CATSPERB: variants seen among roughly 807,000 people sequenced by gnomAD.
CATSPERB encodes the protein catsper channel auxiliary subunit beta.
In CATSPERB, 93 loss-of-function variants were observed where a neutral mutation model predicts 128.3. That is an observed-to-expected ratio of 0.72 (90% CI 0.61 to 0.86). The LOEUF (loss-of-function observed/expected upper bound fraction) is 0.86. Among genes scored for constraint, CATSPERB ranks in the 40% least tolerant of loss-of-function variants. The probability of loss-of-function intolerance (pLI) is 0.00; values close to 1 mark genes in which losing one functional copy is unlikely to be tolerated. For missense variants in CATSPERB, 1,153 were observed against 1,329.5 expected (o/e 0.87, Z 2.06); for synonymous variants, 381 against 448.8 (o/e 0.85, Z 1.91).
rs750973204 is a variant in CATSPERB at position 91,721,549 on chromosome 14, T to A, written c.309+1500A>T. Among the ~76,000 whole-genome samples, 170 of 152,130 alleles carry A rather than the reference T, an allele frequency of 1.1e-3. 1 individual carries two copies. Among genetic ancestry groups the A allele is most frequent in the Non-Finnish European group, 1.6e-3 (106 of 68,014 alleles). ...ACTTTATACCTACTAGGATGGTTAT[T>A]TTAAAAAAGATAAATAAAGGCCAGG... On this transcript the variant is annotated intron_variant, in intron 4 of 26. Coordinates refer to ENST00000256343, the MANE Select transcript of CATSPERB (RefSeq NM_024764.4).
rs1252122376 is a variant in CATSPERB at position 91,639,080 on chromosome 14, T to A, written c.1587+16A>T. 1 of 1,602,974 alleles carries A rather than the reference T, an allele frequency of 6.2e-7. No individual in the cohort carries two copies. Among genetic ancestry groups the A allele is most frequent in the East Asian group, 2.2e-5 (1 of 44,752 alleles). ...CTTAAAATAAGGCAAACTGTTTCAA[T>A]GCATTATATACTGACCTGTCCAAAA... On this transcript the variant is annotated intron_variant, in intron 16 of 26. Coordinates refer to ENST00000256343, the MANE Select transcript of CATSPERB (RefSeq NM_024764.4).
chr14:91,590,804 C>T (rs1191114226), intron 23 of CATSPERB, among the ~76,000 whole-genome samples: 2 of 151,904 alleles, frequency 1.3e-5, no homozygotes, highest in African/African-American at 4.8e-5. Context: ...GCGCCCACCA[C>T]CACGCCCGGC....
intron 23 of CATSPERB, among the ~76,000 whole-genome samples, chr14:91,591,371 C>T (rs1429463462): frequency 1.3e-5 from 2 of 152,026 alleles, no homozygotes; most frequent in Non-Finnish European, 2.9e-5. Context: ...GCGTATTTGA[C>T]TCTTCTAATG....
chr14:91,625,847 C>T (rs571815407), intron 17 of CATSPERB, among the ~76,000 whole-genome samples: 3 of 152,226 alleles, frequency 2.0e-5, no homozygotes, highest in South Asian at 4.1e-4. Context: ...AACTCTAGGC[C>T]GGGTGCAGTG....
chr14:91,651,603 C>CA (rs1277177610), intron 15 of CATSPERB, among the ~76,000 whole-genome samples: 4 of 152,164 alleles, frequency 2.6e-5, no homozygotes, highest in Non-Finnish European at 5.9e-5. Context: ...GAGTTGCTTA[C>CA]ACACTTAATG....
chr14:91,689,663 T>C (rs879207017), intron 10 of CATSPERB, among the ~76,000 whole-genome samples: 7 of 152,174 alleles, frequency 4.6e-5, no homozygotes, highest in Non-Finnish European at 7.4e-5. Flanking sequence ...TACCTTTATC[T>C]CTCCTCTCCT....
intron 5 of CATSPERB, among the ~76,000 whole-genome samples, chr14:91,713,575 A>C (rs1895879972): frequency 6.6e-6 from 1 of 152,224 alleles, no homozygotes; most frequent in African/African-American, 2.4e-5. Context: ...AACTTAGATG[A>C]AATGGACATT....
At chr14:91,662,573 G>T (rs976713508) in intron 14 of CATSPERB, among the ~76,000 whole-genome samples, 1 of 152,102 alleles carries the variant, frequency 6.6e-6, no homozygotes, top group Non-Finnish European at 1.5e-5. Flanking sequence ...TGAAATTGGT[G>T]GGACATAGGA....
chr14:91,652,670 C>CAAAAA (rs58608847), intron 15 of CATSPERB, among the ~76,000 whole-genome samples: 182 of 69,224 alleles, frequency 2.6e-3, no homozygotes, highest in Non-Finnish European at 3.6e-3. Context: ...GACTCTGTCT[C>CAAAAA]AAAAAAAAAA....
intron 15 of CATSPERB, among the ~76,000 whole-genome samples, chr14:91,645,977 G>A (rs1894595565): frequency 6.7e-6 from 1 of 150,020 alleles, no homozygotes; most frequent in African/African-American, 2.5e-5. Flanking sequence ...TTTTCCAGGT[G>A]CGTCCGTCAC....
Position 91,683,880 on chromosome 14 carries a change from C to G in CATSPERB, c.928G>C (p.Glu310Gln). The G allele has an allele frequency of 1.9e-6, 3 of 1,601,906 alleles. No homozygotes were observed. Among genetic ancestry groups the G allele is most frequent in the South Asian group, 1.1e-5 (1 of 88,778 alleles). Residue 310 changes from glutamate (E) to glutamine (Q), a missense_variant, in exon 11 of 27, where the codon GAA (glutamate) becomes CAA (glutamine). Glu to Gln is a conservative substitution (Grantham distance 29). Coordinates refer to ENST00000256343, the MANE Select transcript of CATSPERB (RefSeq NM_024764.4). ...TATATCTTTAACCAAAATTTACCTTCAAAGTGCTCTCTGTTAGCAAAACAT... is the reference window on the plus strand; with the variant it reads ...TATATCTTTAACCAAAATTTACCTTGAAAGTGCTCTCTGTTAGCAAAACAT... Reference protein sequence around the residue: ...ERCFANREHFEVDYVTVTFER... With the variant: ...ERCFANREHFQVDYVTVTFER...
At chr14:91,691,863 G>T (rs980011923) in intron 9 of CATSPERB, among the ~76,000 whole-genome samples, 1 of 152,054 alleles carries the variant, frequency 6.6e-6, no homozygotes, top group Non-Finnish European at 1.5e-5. Context: ...GCCTTTTAAT[G>T]ATTTAAATGG....
intron 26 of CATSPERB, among the ~76,000 whole-genome samples, chr14:91,583,804 C>T (rs1242811750): frequency 6.6e-6 from 1 of 151,796 alleles, no homozygotes; most frequent in African/African-American, 2.4e-5. Context: ...TTCAGTTATC[C>T]CCATAATGTA....
rs151239858 is a variant in CATSPERB at position 91,701,349 on chromosome 14, G to A, written c.616+3203C>T. ...CCCTGGGTTTTGAAATATGTGATAT[G>A]TGGGAGGGCTGAGGGGAAAGAATGT... is the stretch of plus-strand genomic sequence containing the variant. On this transcript the variant is annotated intron_variant, in intron 7 of 26. Coordinates refer to ENST00000256343, the MANE Select transcript of CATSPERB (RefSeq NM_024764.4). 1.1e-3 allele frequency among the ~76,000 whole-genome samples: 173 copies of A among 152,256 alleles called. 1 individual carries two copies. Among genetic ancestry groups the A allele is most frequent in the African/African-American group, 3.8e-3 (158 of 41,548 alleles).
intron 5 of CATSPERB, among the ~76,000 whole-genome samples, chr14:91,711,140 T>C (rs1047112751): frequency 3.9e-5 from 6 of 152,196 alleles, no homozygotes; most frequent in African/African-American, 1.4e-4. Flanking sequence ...TCCTCCACTG[T>C]CTTAGACTTT....
Position 91,621,672 on chromosome 14 carries a change from G to A in CATSPERB, c.2196C>T (p.Ile732=), listed in dbSNP as rs1296082. 1,231,032 of 1,612,206 alleles carry A rather than the reference G, an allele frequency of 0.76. 473,349 individuals carry two copies. The highest frequency in any genetic ancestry group is 0.97 in the East Asian group (43,582 of 44,866). ...FQHDDSPSLN[I]VKYIDLGNSY... Reference sequence around the variant, plus strand: ...AGTTTCCCAGATCAATGTATTTCACGATGTTGAGGGATGGTGAATCATCAT... The same window carrying A: ...AGTTTCCCAGATCAATGTATTTCACAATGTTGAGGGATGGTGAATCATCAT... Residue 732 remains isoleucine, a synonymous_variant, in exon 19 of 27, where the codon ATC becomes ATT. Coordinates refer to ENST00000256343, the MANE Select transcript of CATSPERB (RefSeq NM_024764.4).
At chr14:91,719,378 C>G in intron 5 of CATSPERB, 40 bp downstream of exon 5, 2 of 1,373,776 alleles carry the variant, frequency 1.5e-6, no homozygotes, top group Non-Finnish European at 2.0e-6. Flanking sequence ...TTGATAAATC[C>G]AGACCCAGGG....
chr14:91,668,468 G>T (rs536030405), intron 14 of CATSPERB, among the ~76,000 whole-genome samples: 1 of 151,846 alleles, frequency 6.6e-6, no homozygotes, highest in East Asian at 1.9e-4. Context: ...ACCAATCAGT[G>T]CTCTGTAAAA....
chr14:91,615,677 A>G (rs1893922541), intron 20 of CATSPERB, among the ~76,000 whole-genome samples: 1 of 152,170 alleles, frequency 6.6e-6, no homozygotes, highest in Admixed American at 6.5e-5. Context: ...TTCCTGCACC[A>G]TATTTCTTTA....
Sources: allele counts gnomAD v4.1 joint callset (sites outside exome capture counted in the v4.1 genomes callset), GRCh38; gene constraint gnomAD v4.1.1; transcripts MANE v1.5; gene names NCBI Gene and HGNC (gene_info 2026-07-23, HGNC 2026-07-21).